The following CECR2 variants were observed in gnomAD, a reference collection of about 807,000 sequenced individuals.
CECR2 encodes the protein chromatin remodeling regulator CECR2.
CECR2 carries 30 observed loss-of-function variants against 154.5 expected under a neutral mutation model. The ratio of observed to expected loss-of-function variants is 0.19; its 90% CI spans 0.15 to 0.26. The LOEUF is 0.26. CECR2 is among the 10% of genes least tolerant of loss of function. CECR2 has a pLI of 1.00. For missense variants in CECR2, 1,743 were observed against 1,829.3 expected (o/e 0.95, Z 0.86); for synonymous variants, 725 against 683.7 (o/e 1.06, Z -0.94).
chr22:17,446,000 GT>G (rs2054655991), intron 1 of CECR2, among the ~76,000 whole-genome samples: 1 of 152,130 alleles, frequency 6.6e-6, no homozygotes, highest in Non-Finnish European at 1.5e-5. Flanking sequence ...TCTGTTCATG[GT>G]TGGTTGAATC....
intron 1 of CECR2, among the ~76,000 whole-genome samples, chr22:17,375,726 G>T (rs1365825251): frequency 6.6e-6 from 1 of 152,008 alleles, no homozygotes; most frequent in Non-Finnish European, 1.5e-5. Flanking sequence ...GGAGGCCGAG[G>T]CGGGCGGATC....
intron 7 of CECR2, among the ~76,000 whole-genome samples, chr22:17,510,957 C>T (rs1326277563): frequency 2.0e-5 from 3 of 152,186 alleles, no homozygotes; most frequent in Non-Finnish European, 4.4e-5. Flanking sequence ...ACCCCCGTGG[C>T]TTTGCGGTAT....
chr22:17,470,101 G>C (rs1189161413), intron 1 of CECR2, among the ~76,000 whole-genome samples: 2 of 151,946 alleles, frequency 1.3e-5, no homozygotes, highest in African/African-American at 4.8e-5. Context: ...TCAATCACAG[G>C]AACCTACCAC....
At chr22:17,441,594 G>A (rs2054585826) in intron 1 of CECR2, among the ~76,000 whole-genome samples, 1 of 132,782 alleles carries the variant, frequency 7.5e-6, no homozygotes, top group African/African-American at 3.6e-5. Flanking sequence ...GTCTTACTCT[G>A]TGGACCCCAC....
intron 1 of CECR2, among the ~76,000 whole-genome samples, chr22:17,462,371 A>T (rs192359977): frequency 6.7e-4 from 100 of 148,668 alleles, no homozygotes; most frequent in Non-Finnish European, 1.1e-3. Flanking sequence ...AAATAATAAT[A>T]AAAAAAAAAG....
At chr22:17,442,274 G>A (rs553108716) in intron 1 of CECR2, among the ~76,000 whole-genome samples, 1 of 152,150 alleles carries the variant, frequency 6.6e-6, no homozygotes. Context: ...ATTAAAAAAT[G>A]CAGATCAGGC....
upstream of CECR2, among the ~76,000 whole-genome samples, chr22:17,366,524 T>C (rs2063002875): frequency 6.6e-6 from 1 of 152,076 alleles, no homozygotes; most frequent in Admixed American, 6.5e-5. Context: ...AACTAGTGTT[T>C]CGAGGGTGAA....
At chr22:17,436,376 A>G (rs2054507282) in intron 1 of CECR2, among the ~76,000 whole-genome samples, 1 of 152,246 alleles carries the variant, frequency 6.6e-6, no homozygotes, top group Non-Finnish European at 1.5e-5. Flanking sequence ...CTTCTATTAT[A>G]GCAACAACAT....
chr22:17,389,452 T>A (rs1402731637), intron 1 of CECR2, among the ~76,000 whole-genome samples: 1 of 152,062 alleles, frequency 6.6e-6, no homozygotes, highest in African/African-American at 2.4e-5. Context: ...TCCTTGACAT[T>A]TTAGTGTTTT....
chr22:17,363,488 G>A (rs1234371328), intron 1 of CECR2, among the ~76,000 whole-genome samples: 4 of 151,678 alleles, frequency 2.6e-5, no homozygotes, highest in African/African-American at 7.3e-5. Context: ...AATTACAGGC[G>A]TGAGCCACCG....
chr22:17,414,926 G>A (rs1226545921), intron 1 of CECR2, among the ~76,000 whole-genome samples: 1 of 152,146 alleles, frequency 6.6e-6, no homozygotes, highest in African/African-American at 2.4e-5. Flanking sequence ...GCATCTGTTG[G>A]TCTCCAGTGA....
chr22:17,505,529 T>C (rs973629599), intron 7 of CECR2, among the ~76,000 whole-genome samples: 2 of 110,528 alleles, frequency 1.8e-5, no homozygotes, highest in Non-Finnish European at 4.2e-5. Context: ...TTCATCCTCT[T>C]TTTCCTTTTT....
At chr22:17,437,214 C>T (rs901064323) in intron 1 of CECR2, among the ~76,000 whole-genome samples, 1 of 152,062 alleles carries the variant, frequency 6.6e-6, no homozygotes, top group Non-Finnish European at 1.5e-5. Context: ...CCCCCTTGGC[C>T]TCCTAAATTA....
In CECR2 at chr22:17,504,893, A is replaced by G. The variant is rs1358425530; in HGVS notation, c.747A>G (p.Thr249=). 1.2e-6 allele frequency: 2 copies of G among 1,613,882 alleles called. No homozygotes were observed. The highest frequency in any genetic ancestry group is 2.2e-5 in the South Asian group (2 of 91,072). The change falls in exon 7 of 19, where the codon ACA becomes ACG. Residue 249 remains threonine, a synonymous_variant. Coordinates refer to ENST00000262608, the MANE Select transcript of CECR2 (RefSeq NM_001290047.2). The part of the protein sequence containing the change: ...GQGTWWLLCQ[T]EEEWRQVTES... ...GTACTTGGTGGCTCCTGTGCCAGAC[A>G]GAAGAGGAATGGAGACAGGTCACCG...
intron 1 of CECR2, among the ~76,000 whole-genome samples, chr22:17,382,000 G>A (rs1203232725): frequency 2.0e-5 from 3 of 151,158 alleles, no homozygotes; most frequent in Non-Finnish European, 4.4e-5. Context: ...CCATTCTCCT[G>A]CCTCAGTCTC....
intron 1 of CECR2, chr22:17,418,705 G>A (rs2054191531): frequency 3.9e-6 from 2 of 515,356 alleles, no homozygotes; most frequent in Non-Finnish European, 2.8e-6. Context: ...ACATGGCGGA[G>A]GCGATGGATT....
chr22:17,414,246 A>G (rs959481257), intron 1 of CECR2, among the ~76,000 whole-genome samples: 14 of 152,204 alleles, frequency 9.2e-5, no homozygotes, highest in Non-Finnish European at 1.6e-4. Context: ...TGCTGGGATT[A>G]CAGGCGTGAG....
intron 5 of CECR2, 123 bp downstream of exon 5, chr22:17,500,858 G>A (rs1021771129): frequency 1.5e-6 from 1 of 681,066 alleles, no homozygotes; most frequent in East Asian, 2.8e-5. Flanking sequence ...CTGAAACTGA[G>A]TCCTTATGAA....
intron 1 of CECR2, among the ~76,000 whole-genome samples, chr22:17,431,225 G>A (rs2054417250): frequency 6.6e-6 from 1 of 152,204 alleles, no homozygotes; most frequent in Admixed American, 6.5e-5. Flanking sequence ...CAACTCTGAT[G>A]TATGTAGGAT....
Sources: allele counts gnomAD v4.1 joint callset (sites outside exome capture counted in the v4.1 genomes callset), GRCh38; gene constraint gnomAD v4.1.1; transcripts MANE v1.5; gene names NCBI Gene and HGNC (gene_info 2026-07-23, HGNC 2026-07-21).